Variants in CLINT1 observed in about 807,000 individuals in gnomAD.
CLINT1 encodes clathrin interacting protein localized in the trans-Golgi region.
CLINT1 carries 15 observed loss-of-function variants against 70.4 expected under a neutral mutation model. That is an observed-to-expected ratio of 0.21 (90% CI 0.14 to 0.33). The LOEUF (loss-of-function observed/expected upper bound fraction) is 0.33. Among genes scored for constraint, CLINT1 ranks in the 10% least tolerant of loss-of-function variants. CLINT1 has a pLI of 1.00. For missense variants in CLINT1, 615 were observed against 778.1 expected (o/e 0.79, Z 2.49); for synonymous variants, 227 against 254.7 (o/e 0.89, Z 1.04).
chr5:157,854,558 A>G (rs1303584924), intron 1 of CLINT1, among the ~76,000 whole-genome samples: 3 of 152,224 alleles, frequency 2.0e-5, no homozygotes, highest in Non-Finnish European at 4.4e-5. Context: ...AAAAGAAACC[A>G]GACTACTAAT....
At chr5:157,854,043 A>G (rs1000389574) in intron 1 of CLINT1, among the ~76,000 whole-genome samples, 1 of 152,160 alleles carries the variant, frequency 6.6e-6, no homozygotes, top group Non-Finnish European at 1.5e-5. Context: ...AGCAATAACA[A>G]TTACTTATAA....
chr5:157,827,507 A>G (rs1365673781), intron 1 of CLINT1, among the ~76,000 whole-genome samples: 1 of 152,216 alleles, frequency 6.6e-6, no homozygotes, highest in Non-Finnish European at 1.5e-5. Context: ...AAAGTCTGTC[A>G]TTTAATTCTT....
At chr5:157,852,834 T>C (rs1410720493) in intron 1 of CLINT1, among the ~76,000 whole-genome samples, 1 of 152,126 alleles carries the variant, frequency 6.6e-6, no homozygotes, top group Non-Finnish European at 1.5e-5. Flanking sequence ...AATACATAGA[T>C]GGACAAACAC....
intron 7 of CLINT1, among the ~76,000 whole-genome samples, 193 bp from the exon 8 acceptor site, chr5:157,803,912 C>T (rs925374865): frequency 2.0e-5 from 3 of 152,086 alleles, no homozygotes; most frequent in Non-Finnish European, 4.4e-5. Context: ...CCTCCATTCC[C>T]AGCAGTGTAA....
At chr5:157,858,620 C>G (rs911108709) in intron 1 of CLINT1, among the ~76,000 whole-genome samples, 34 of 152,332 alleles carry the variant, frequency 2.2e-4, no homozygotes, top group African/African-American at 7.5e-4. Context: ...AGTGACCCAG[C>G]GCCAAACAAC....
In CLINT1 at chr5:157,791,737, G is replaced by A. The variant is rs753728757; in HGVS notation, c.1346C>T (p.Thr449Ile). The A allele has an allele frequency of 8.1e-6, 13 of 1,613,964 alleles. No homozygotes were observed. In the South Asian group the frequency reaches 1.3e-4, roughly 16 times the overall value. The change falls in exon 10 of 12, where the codon ACT (threonine) becomes ATT (isoleucine). Residue 449 changes from threonine to isoleucine, a missense_variant. Thr to Ile is a moderately conservative substitution (Grantham distance 89). Transcript: ENST00000411809. ...TGACATAGGCAAACCAAGTCCCACA[G>A]TGTTAGTGCTCATCATAGAGAAATT... ...SMNFSMMSTNTVGLGLPMSRS... is the reference protein window; with the variant it reads ...SMNFSMMSTNIVGLGLPMSRS...
At chr5:157,842,049 A>C (rs184957024) in intron 1 of CLINT1, among the ~76,000 whole-genome samples, 80 of 152,376 alleles carry the variant, frequency 5.3e-4, no homozygotes, top group Non-Finnish European at 2.9e-5. Flanking sequence ...GTTAAAATGC[A>C]GCATGAACAT....
intron 3 of CLINT1, 23 bp from the exon 4 acceptor site, chr5:157,814,316 A>G: frequency 6.8e-7 from 1 of 1,463,634 alleles, no homozygotes; most frequent in African/African-American, 1.4e-5. Flanking sequence ...AAAGCAATAA[A>G]TGATTTAATG....
chr5:157,801,439 A>C (rs894161216), intron 8 of CLINT1, among the ~76,000 whole-genome samples: 2 of 152,090 alleles, frequency 1.3e-5, no homozygotes, highest in Admixed American at 1.3e-4. Context: ...CCCGGGAGGC[A>C]GAGGTTGCAG....
chr5:157,806,968 GA>G (rs1762405373), intron 6 of CLINT1, among the ~76,000 whole-genome samples: 1 of 111,256 alleles, frequency 9.0e-6, no homozygotes, highest in South Asian at 2.9e-4. Context: ...AAGTAGGAGA[GA>G]GAGAGAGAGA....
rs116467778 is a variant in CLINT1 at position 157,837,207 on chromosome 5, T to C, written c.42-19660A>G. ...GCTTGAGCCCGGGAGTTTAAGACCA[T>C]GCTGGGCAACATGGAGAGACCCTGC... On this transcript the variant is annotated intron_variant, in intron 1 of 11. Transcript: ENST00000411809. Among the ~76,000 whole-genome samples the C allele has an allele frequency of 6.2e-4, 95 of 152,260 alleles. 1 individual carries two copies. The highest frequency in any genetic ancestry group is 9.8e-4 in the Admixed American group (15 of 15,290).
intron 5 of CLINT1, among the ~76,000 whole-genome samples, chr5:157,810,290 T>G (rs763636902): frequency 2.6e-5 from 4 of 152,178 alleles, no homozygotes; most frequent in Non-Finnish European, 5.9e-5. Context: ...CATGTCCCAA[T>G]AAGCTAAAAA....
intron 1 of CLINT1, among the ~76,000 whole-genome samples, chr5:157,858,189 T>C (rs1286209573): frequency 6.6e-6 from 1 of 152,234 alleles, no homozygotes; most frequent in Non-Finnish European, 1.5e-5. Flanking sequence ...TGGGTTGTTT[T>C]TTTCCTTAAG....
chr5:157,842,938 C>T (rs1483551534), intron 1 of CLINT1, among the ~76,000 whole-genome samples: 3 of 152,068 alleles, frequency 2.0e-5, no homozygotes, highest in Non-Finnish European at 4.4e-5. Context: ...TAAAGTTAAT[C>T]GATTTTGTTT....
At chr5:157,842,697 T>C (rs1753227199) in intron 1 of CLINT1, among the ~76,000 whole-genome samples, 1 of 152,214 alleles carries the variant, frequency 6.6e-6, no homozygotes, top group Non-Finnish European at 1.5e-5. Flanking sequence ...TCTATTCCAG[T>C]ACAAGTTCCT....
chr5:157,847,166 A>C (rs919370358), intron 1 of CLINT1, among the ~76,000 whole-genome samples: 3 of 152,200 alleles, frequency 2.0e-5, no homozygotes, highest in Non-Finnish European at 4.4e-5. Context: ...TGGGAAAAGT[A>C]AATTGAAAAC....
chr5:157,853,008 T>C (rs1044767111), intron 1 of CLINT1, among the ~76,000 whole-genome samples: 18 of 152,208 alleles, frequency 1.2e-4, no homozygotes, highest in Non-Finnish European at 2.2e-4. Flanking sequence ...ATCTGTGAAG[T>C]GATCTTCATT....
intron 8 of CLINT1, among the ~76,000 whole-genome samples, chr5:157,803,187 A>C (rs1173420998): frequency 2.0e-5 from 3 of 152,260 alleles, no homozygotes; most frequent in Non-Finnish European, 4.4e-5. Context: ...TTTAAATGCA[A>C]TTTTTTGTTT....
intron 8 of CLINT1, among the ~76,000 whole-genome samples, chr5:157,799,850 C>T (rs1762161610): frequency 6.6e-6 from 1 of 152,046 alleles, no homozygotes; most frequent in Non-Finnish European, 1.5e-5. Flanking sequence ...CAAATCTGTA[C>T]ATCATGTCAC....
Sources: gnomAD v4.1 joint callset for allele counts (sites outside exome capture counted in the v4.1 genomes callset) on GRCh38, gnomAD v4.1.1 for gene constraint, MANE v1.5 for transcripts, NCBI Gene and HGNC (gene_info 2026-07-23, HGNC 2026-07-21) for gene names.